PPP3CA: variants seen among roughly 807,000 people sequenced by gnomAD.
PPP3CA encodes the protein CAM-PRP catalytic subunit.
PPP3CA carries 14 observed loss-of-function variants against 66.5 expected under a neutral mutation model. The observed-to-expected ratio is 0.21, with a 90% CI of 0.14 to 0.33. The LOEUF is 0.33. Ranked by LOEUF, PPP3CA falls within the 10% of genes least tolerant of loss-of-function variation. The pLI, the probability that PPP3CA is intolerant of heterozygous loss-of-function variation, is 1.00. For missense variants in PPP3CA, 317 were observed against 639.5 expected (o/e 0.50, Z 5.44); for synonymous variants, 232 against 226.2 (o/e 1.03, Z -0.23).
intron 2 of PPP3CA, among the ~76,000 whole-genome samples, chr4:101,124,663 C>CAGAAAGAAAGAAAGAAAGAAAGAA (rs1227730298): frequency 1.3e-4 from 7 of 55,188 alleles, no homozygotes; most frequent in Non-Finnish European, 2.2e-4. Context: ...GAGAGAGAGA[C>CAGAAAGAAAGAAAGAAAGAAAGAA]AGAAAGAAAG....
In PPP3CA at chr4:101,106,475, GA is replaced by G. The variant is rs1464710652; in HGVS notation, c.384+2478del. Among the ~76,000 whole-genome samples the G allele has an allele frequency of 7.2e-4, 26 of 36,196 alleles. 1 individual carries two copies. The highest frequency in any genetic ancestry group is 3.8e-3 in the African/African-American group (18 of 4,760). The allele number at this position is 36,196 out of a possible 152,430, so 23.7% of individuals were successfully genotyped here. On this transcript the variant is annotated intron_variant, in intron 3 of 13. Coordinates refer to ENST00000394854, the MANE Select transcript of PPP3CA (RefSeq NM_000944.5). ...AAAGAGAAAAGAAAAGAAAAGAAAA[GA>G]AAAGAAAAGAAAAGAAAAGAAAAGA...
At position 101,167,850 on chromosome 4, in the gene PPP3CA, T is replaced by C. The variant is rs183600488; in HGVS notation, c.259+28066A>G. ...GGGAAGCCAGAGGGGCTGAGGTGAA[T>C]GAACAAGGGTAGCAGGAGTAGGAGT... On this transcript the variant is annotated intron_variant, in intron 2 of 13. Coordinates refer to ENST00000394854, the MANE Select transcript of PPP3CA (RefSeq NM_000944.5). Among the ~76,000 whole-genome samples, 597 of 152,070 alleles carry C rather than the reference T, an allele frequency of 3.9e-3. 5 individuals are homozygous for C. Among genetic ancestry groups the C allele is most frequent in the African/African-American group, 0.014 (565 of 41,470 alleles).
At chr4:101,285,870 G>A (rs1316024645) in intron 1 of PPP3CA, among the ~76,000 whole-genome samples, 2 of 152,068 alleles carry the variant, frequency 1.3e-5, no homozygotes, top group African/African-American at 2.4e-5. Context: ...AAAAGTTTTG[G>A]CTGATAATTT....
At chr4:101,027,620 A>G (rs1265214950) in intron 13 of PPP3CA, among the ~76,000 whole-genome samples, 1 of 152,204 alleles carries the variant, frequency 6.6e-6, no homozygotes, top group Non-Finnish European at 1.5e-5. Flanking sequence ...AATAGCATGA[A>G]GTGGTACTCT....
chr4:101,211,771 C>T (rs549344271), intron 1 of PPP3CA, among the ~76,000 whole-genome samples: 1 of 152,276 alleles, frequency 6.6e-6, no homozygotes, highest in African/African-American at 2.4e-5. Context: ...TCTGCCTTTA[C>T]TCTTTAAAAA....
chr4:101,133,403 T>A (rs1045861901), intron 2 of PPP3CA, among the ~76,000 whole-genome samples: 2 of 152,084 alleles, frequency 1.3e-5, no homozygotes, highest in African/African-American at 4.8e-5. Context: ...CAGCAAAGTC[T>A]CAGGATACAA....
At chr4:101,282,052 C>A (rs952839470) in intron 1 of PPP3CA, among the ~76,000 whole-genome samples, 2 of 152,152 alleles carry the variant, frequency 1.3e-5, no homozygotes, top group African/African-American at 4.8e-5. Context: ...CTGGGAAAAG[C>A]TAGTCCAGAA....
At chr4:101,302,226 C>G (rs1415072177) in intron 1 of PPP3CA, among the ~76,000 whole-genome samples, 1 of 152,182 alleles carries the variant, frequency 6.6e-6, no homozygotes, top group African/African-American at 2.4e-5. Context: ...AAGCATCAAG[C>G]ATCAGCTCCC....
intron 8 of PPP3CA, among the ~76,000 whole-genome samples, chr4:101,074,477 T>C (rs925560165): frequency 1.3e-5 from 2 of 152,286 alleles, no homozygotes; most frequent in African/African-American, 2.4e-5. Context: ...ATGTAGACAG[T>C]GTCACTGAGG....
intron 3 of PPP3CA, among the ~76,000 whole-genome samples, chr4:101,103,726 A>C (rs1730543452): frequency 6.6e-6 from 1 of 152,202 alleles, no homozygotes; most frequent in Non-Finnish European, 1.5e-5. Context: ...AGTGTAGTGC[A>C]AAACGGCTAG....
chr4:101,107,428 C>G (rs562996333), intron 3 of PPP3CA, among the ~76,000 whole-genome samples: 1 of 152,290 alleles, frequency 6.6e-6, no homozygotes, highest in East Asian at 1.9e-4. Flanking sequence ...CAGTCCTATT[C>G]ATGGTGCATA....
chr4:101,101,261 AG>A (rs552901760), intron 3 of PPP3CA, among the ~76,000 whole-genome samples: 132 of 152,266 alleles, frequency 8.7e-4, no homozygotes, highest in Middle Eastern at 3.4e-3. Flanking sequence ...TACCTCAGTG[AG>A]TAGTCCGGTA....
chr4:101,340,938 G>C (rs536010651), intron 1 of PPP3CA, among the ~76,000 whole-genome samples: 41 of 152,266 alleles, frequency 2.7e-4, no homozygotes, highest in Non-Finnish European at 5.3e-4. Context: ...TTTTGCAGGA[G>C]AGTATACTAT....
intron 10 of PPP3CA, among the ~76,000 whole-genome samples, chr4:101,059,871 G>A (rs1255162157): frequency 6.6e-6 from 1 of 151,956 alleles, no homozygotes; most frequent in Non-Finnish European, 1.5e-5. Context: ...CCTGAATCTA[G>A]GACCTCTGAG....
At chr4:101,120,706 C>G (rs1721999382) in intron 2 of PPP3CA, among the ~76,000 whole-genome samples, 1 of 151,950 alleles carries the variant, frequency 6.6e-6, no homozygotes, top group Non-Finnish European at 1.5e-5. Context: ...ATTAGATTAT[C>G]TTAAATTTAC....
intron 2 of PPP3CA, among the ~76,000 whole-genome samples, chr4:101,175,612 C>T (rs763904712): frequency 6.6e-6 from 1 of 152,136 alleles, no homozygotes; most frequent in Non-Finnish European, 1.5e-5. Flanking sequence ...AAGCTATCTA[C>T]GATACATGCA....
At chr4:101,221,200 G>A (rs1347308525) in intron 1 of PPP3CA, among the ~76,000 whole-genome samples, 1 of 151,494 alleles carries the variant, frequency 6.6e-6, no homozygotes, top group Non-Finnish European at 1.5e-5. Flanking sequence ...TGTGTAAAGT[G>A]TTAAATTTTG....
Position 101,160,663 on chromosome 4 carries a change from A to T in PPP3CA, c.259+35253T>A, listed in dbSNP as rs193018091. On this transcript the variant is annotated intron_variant, in intron 2 of 13. Coordinates refer to ENST00000394854, the MANE Select transcript of PPP3CA (RefSeq NM_000944.5). ...CCTCTCAAGTAGCAAACACCCTTACACTACTCTAAAAGATAGTGATTTTCA... is the reference window on the plus strand; with the variant it reads ...CCTCTCAAGTAGCAAACACCCTTACTCTACTCTAAAAGATAGTGATTTTCA... Among the ~76,000 whole-genome samples the T allele has an allele frequency of 3.7e-3, 566 of 152,174 alleles. 7 individuals are homozygous for T. The highest frequency in any genetic ancestry group is 0.013 in the African/African-American group (533 of 41,530).
At chr4:101,072,596 C>T (rs1728963530) in intron 8 of PPP3CA, among the ~76,000 whole-genome samples, 1 of 152,070 alleles carries the variant, frequency 6.6e-6, no homozygotes, top group Non-Finnish European at 1.5e-5. Context: ...CAGTGTCTGG[C>T]ACATAATAAG....
Sources: allele counts gnomAD v4.1 joint callset (sites outside exome capture counted in the v4.1 genomes callset), GRCh38; gene constraint gnomAD v4.1.1; transcripts MANE v1.5; gene names NCBI Gene and HGNC (gene_info 2026-07-23, HGNC 2026-07-21).